The following DISC1 variants were observed in gnomAD, a reference collection of about 807,000 sequenced individuals.
DISC1 encodes the protein DISC1 scaffold protein.
A neutral mutation model predicts 84.5 loss-of-function variants in DISC1; 57 were observed. The observed-to-expected ratio is 0.67, with a 90% CI of 0.55 to 0.84. DISC1 has a LOEUF of 0.84. Ranked by LOEUF, DISC1 falls within the 40% of genes least tolerant of loss-of-function variation. The pLI is 0.00. For synonymous variants in DISC1, 411 were observed against 415.2 expected, an observed-to-expected ratio of 0.99 and a Z score of 0.12; for missense variants, 1,000 against 1,057.8, an observed-to-expected ratio of 0.95 and a Z score of 0.76.
chr1:231,832,421 T>C (rs901875001), intron 9 of DISC1, among the ~76,000 whole-genome samples: 3 of 151,008 alleles, frequency 2.0e-5, no homozygotes, highest in Non-Finnish European at 4.4e-5. Flanking sequence ...AGGAAAGGAG[T>C]TGTTGTTTTG....
At chr1:231,888,631 C>T (rs1475360049) in intron 9 of DISC1, among the ~76,000 whole-genome samples, 10 of 149,376 alleles carry the variant, frequency 6.7e-5, no homozygotes, top group South Asian at 2.1e-4. Context: ...CCCAGCTACT[C>T]GGTGGCTGAG....
chr1:231,868,692 TTATATATATATATATATATATA>T (rs58636016), intron 9 of DISC1, among the ~76,000 whole-genome samples: 10,373 of 108,838 alleles, frequency 0.095, 912 homozygotes, highest in African/African-American at 0.22. Context: ...ACCCCATCTC[TTATATATATATATATATATATA>T]TATATATATA....
chr1:231,722,373 G>A (rs543263870), intron 3 of DISC1, among the ~76,000 whole-genome samples: 2 of 152,248 alleles, frequency 1.3e-5, no homozygotes, highest in East Asian at 3.9e-4. Flanking sequence ...TGTAGAATGC[G>A]GACAGCTCTG....
chr1:232,014,852 T>C (rs2103014255), intron 11 of DISC1, among the ~76,000 whole-genome samples: 1 of 152,342 alleles, frequency 6.6e-6, no homozygotes, highest in South Asian at 2.1e-4. Flanking sequence ...TTTCCAAGGT[T>C]TCCAGCTTGC....
chr1:231,999,135 T>A (rs954795764), intron 10 of DISC1, among the ~76,000 whole-genome samples: 1 of 151,638 alleles, frequency 6.6e-6, no homozygotes, highest in Admixed American at 6.6e-5. Context: ...AGAAAAAAAA[T>A]AAAATGTTTA....
chr1:231,739,634 G>A (rs2072987199), intron 3 of DISC1, among the ~76,000 whole-genome samples: 1 of 152,234 alleles, frequency 6.6e-6, no homozygotes, highest in African/African-American at 2.4e-5. Context: ...CAGGCACTGA[G>A]TTCTTCAAGG....
chr1:231,848,102 C>T (rs1414443207), intron 9 of DISC1, among the ~76,000 whole-genome samples: 1 of 152,162 alleles, frequency 6.6e-6, no homozygotes, highest in Admixed American at 6.5e-5. Context: ...GACTCCAGGC[C>T]TGTCTGTGAC....
At position 231,908,694 on chromosome 1, in the gene DISC1, C is replaced by T. The variant is rs186821500; in HGVS notation, c.1982-50134C>T. On this transcript the variant is annotated intron_variant, in intron 9 of 12. Coordinates refer to ENST00000439617, the MANE Select transcript of DISC1 (RefSeq NM_018662.3). ...ATATGCACTTTAAAGTAGTTTTTTC[C>T]AGTTCTGTGAAGAAAGTCATTGGTA... Among the ~76,000 whole-genome samples, 15 of 152,236 alleles carry T rather than the reference C, an allele frequency of 9.9e-5. No individual in the cohort carries two copies. The East Asian group carries it at 2.7e-3, about 27-fold the overall frequency.
chr1:231,691,773 A>G lies in DISC1; in HGVS notation c.68-2053A>G, dbSNP rs560117108. Among the ~76,000 whole-genome samples the G allele has an allele frequency of 1.1e-4, 17 of 152,288 alleles. No homozygotes were observed. The South Asian group carries it at 3.3e-3, about 30-fold the overall frequency. ...CGTTTTGCCTGCTTTGCAAGGGGGT[A>G]TGAGTAGTGCGTGTGCCTGAGGGCC... On this transcript the variant is annotated intron_variant, in intron 1 of 12. Coordinates refer to ENST00000439617, the MANE Select transcript of DISC1 (RefSeq NM_018662.3).
chr1:231,727,694 C>T (rs1360658371), intron 3 of DISC1, among the ~76,000 whole-genome samples: 1 of 152,156 alleles, frequency 6.6e-6, no homozygotes, highest in Non-Finnish European at 1.5e-5. Context: ...AAACTCTTCA[C>T]AGGCATTCTT....
At chr1:231,952,107 A>G (rs963612759) in intron 9 of DISC1, among the ~76,000 whole-genome samples, 23 of 150,650 alleles carry the variant, frequency 1.5e-4, no homozygotes, top group Non-Finnish European at 2.1e-4. Flanking sequence ...AAAAAAAAAA[A>G]AAAAAAGAAA....
chr1:231,946,229 C>T (rs956412896), intron 9 of DISC1, among the ~76,000 whole-genome samples: 1 of 152,110 alleles, frequency 6.6e-6, no homozygotes, highest in African/African-American at 2.4e-5. Flanking sequence ...ACTGGCAAAC[C>T]GAATCCAGCA....
At chr1:231,917,304 T>C (rs147908341) in intron 9 of DISC1, among the ~76,000 whole-genome samples, 39 of 152,286 alleles carry the variant, frequency 2.6e-4, no homozygotes, top group Middle Eastern at 3.4e-3. Context: ...CGAGATGCAA[T>C]CAAATTTGAG....
At chr1:231,658,455 T>A (rs944348944) in intron 1 of DISC1, among the ~76,000 whole-genome samples, 4 of 152,202 alleles carry the variant, frequency 2.6e-5, no homozygotes, top group South Asian at 2.1e-4. Flanking sequence ...CTCTTCCTAT[T>A]TGAACACCCT....
intron 1 of DISC1, among the ~76,000 whole-genome samples, chr1:231,682,443 C>G (rs2063786174): frequency 7.0e-6 from 1 of 142,232 alleles, no homozygotes; most frequent in East Asian, 1.9e-4. Context: ...CCTTCAGTGA[C>G]TCTGTGCCAG....
At chr1:231,884,001 C>T (rs2086483077) in intron 9 of DISC1, among the ~76,000 whole-genome samples, 1 of 152,048 alleles carries the variant, frequency 6.6e-6, no homozygotes, top group Admixed American at 6.5e-5. Flanking sequence ...CCTGAGGGTC[C>T]CTTGCCCAGG....
At chr1:231,879,265 G>A (rs977114805) in intron 9 of DISC1, among the ~76,000 whole-genome samples, 1 of 152,042 alleles carries the variant, frequency 6.6e-6, no homozygotes, top group African/African-American at 2.4e-5. Flanking sequence ...GGGATGCTCA[G>A]ACTGTACTAT....
chr1:231,779,838 C>T (rs2077262773), intron 6 of DISC1, among the ~76,000 whole-genome samples: 2 of 151,968 alleles, frequency 1.3e-5, no homozygotes, highest in African/African-American at 2.4e-5. Context: ...GGATTACAAG[C>T]GTGAGCCACC....
intron 1 of DISC1, among the ~76,000 whole-genome samples, chr1:231,635,762 C>A (rs1250476037): frequency 6.6e-6 from 1 of 152,116 alleles, no homozygotes; most frequent in African/African-American, 2.4e-5. Context: ...GATGCATACA[C>A]TATATAGTCA....
Sources: allele counts gnomAD v4.1 joint callset (sites outside exome capture counted in the v4.1 genomes callset), GRCh38; gene constraint gnomAD v4.1.1; transcripts MANE v1.5; gene names NCBI Gene and HGNC (gene_info 2026-07-23, HGNC 2026-07-21).